ADAMTS18: variants seen among roughly 807,000 people sequenced by gnomAD.
The protein encoded by ADAMTS18 is A disintegrin and metalloproteinase with thrombospondin motifs 18.
Under a neutral mutation model 165.9 loss-of-function variants are expected in ADAMTS18, and 157 were observed. The ratio of observed to expected loss-of-function variants is 0.95; its 90% confidence interval spans 0.83 to 1.08. The LOEUF is 1.08. ADAMTS18 is among the 50% of genes least tolerant of loss of function. The probability of loss-of-function intolerance (pLI) is 0.00; values close to 1 mark genes in which losing one functional copy is unlikely to be tolerated. For synonymous variants in ADAMTS18, 782 were observed against 578.2 expected (o/e 1.35, Z -5.06); for missense variants, 2,040 against 1,534.0 (o/e 1.33, Z -5.51).
chr16:77,424,624 T>G (rs2057648225), intron 3 of ADAMTS18, among the ~76,000 whole-genome samples: 1 of 152,202 alleles, frequency 6.6e-6, no homozygotes, highest in African/African-American at 2.4e-5. Context: ...TCTGGCATTT[T>G]GCTTCAAGTT....
chr16:77,413,819 A>G (rs2057495683), intron 3 of ADAMTS18, among the ~76,000 whole-genome samples: 1 of 151,868 alleles, frequency 6.6e-6, no homozygotes, highest in African/African-American at 2.4e-5. Flanking sequence ...AAAAAAAAAA[A>G]AGCAAAAGTT....
intron 3 of ADAMTS18, among the ~76,000 whole-genome samples, chr16:77,418,982 C>T (rs1308283191): frequency 6.6e-6 from 1 of 152,094 alleles, no homozygotes. Flanking sequence ...AACACCGTCT[C>T]TACTAAAAAT....
At chr16:77,296,862 AAGC>A (rs2055483414) in intron 18 of ADAMTS18, among the ~76,000 whole-genome samples, 1 of 152,226 alleles carries the variant, frequency 6.6e-6, no homozygotes, top group African/African-American at 2.4e-5. Flanking sequence ...TATCCCAAGC[AAGC>A]TTGCTTTTAA....
intron 2 of ADAMTS18, among the ~76,000 whole-genome samples, chr16:77,433,733 G>C (rs941673473): frequency 6.6e-6 from 1 of 152,186 alleles, no homozygotes; most frequent in Non-Finnish European, 1.5e-5. Flanking sequence ...CCTTGCGTCA[G>C]GAATCAGCTG....
In ADAMTS18 at chr16:77,391,418, G is replaced by C. The variant is rs185961796; in HGVS notation, c.496-23695C>G. Reference sequence around the variant, plus strand: ...AAGCAGAAGAATCGCTTGAACCTGGGAGGTGGAAGTTGCAGTTAAGTCGAG... The same window carrying C: ...AAGCAGAAGAATCGCTTGAACCTGGCAGGTGGAAGTTGCAGTTAAGTCGAG... On this transcript the variant is annotated intron_variant, in intron 3 of 22. Coordinates refer to ENST00000282849, the MANE Select transcript of ADAMTS18 (RefSeq NM_199355.4). Among the ~76,000 whole-genome samples the C allele has an allele frequency of 1.1e-4, 17 of 151,754 alleles. No individual in the cohort carries two copies. The East Asian group carries it at 3.1e-3, about 28-fold the overall frequency.
At chr16:77,292,822 A>G (rs1424835730) in intron 20 of ADAMTS18, among the ~76,000 whole-genome samples, 2 of 151,844 alleles carry the variant, frequency 1.3e-5, no homozygotes, top group Admixed American at 6.6e-5. Context: ...AACCTCCAGC[A>G]GTGACTTTTT....
intron 3 of ADAMTS18, among the ~76,000 whole-genome samples, chr16:77,402,557 C>T (rs1211455658): frequency 6.6e-6 from 1 of 152,190 alleles, no homozygotes; most frequent in African/African-American, 2.4e-5. Context: ...GGGATTTCAA[C>T]TCTGCGAGCA....
intron 16 of ADAMTS18, among the ~76,000 whole-genome samples, chr16:77,316,410 A>G (rs2055888444): frequency 6.6e-6 from 1 of 152,026 alleles, no homozygotes; most frequent in South Asian, 2.1e-4. Context: ...ATGCGCCACC[A>G]TACCCAGCTA....
chr16:77,378,849 G>A (rs930052607), intron 3 of ADAMTS18: 3 of 152,160 alleles, frequency 2.0e-5, no homozygotes, highest in Non-Finnish European at 2.9e-5. Context: ...CAAGAAGTCT[G>A]GCCTTTTTCT....
Position 77,299,965 on chromosome 16 carries a change from T to C in ADAMTS18, c.2674+298A>G, listed in dbSNP as rs915843334. The C allele has an allele frequency of 1.3e-5, 3 of 228,790 alleles. No individual in the cohort carries two copies. The Admixed American group carries it at 1.5e-4, about 12-fold the overall frequency. The allele number at this position is 228,790 out of a possible 1,614,324, so 14.2% of individuals were successfully genotyped here. Reference sequence around the variant, plus strand: ...CTGAAAATTAAACATATATATATAATATAAATATGCTTCTATTTGTAAATA... The same window carrying C: ...CTGAAAATTAAACATATATATATAACATAAATATGCTTCTATTTGTAAATA... On this transcript the variant is annotated intron_variant, in intron 17 of 22. Coordinates refer to ENST00000282849, the MANE Select transcript of ADAMTS18 (RefSeq NM_199355.4).
At chr16:77,284,593 T>C (rs1225459236) in intron 22 of ADAMTS18, among the ~76,000 whole-genome samples, 1 of 152,106 alleles carries the variant, frequency 6.6e-6, no homozygotes, top group Non-Finnish European at 1.5e-5. Flanking sequence ...GGGCAGGATT[T>C]AGATGCCAAG....
chr16:77,307,973 C>T (rs879676581), intron 16 of ADAMTS18, among the ~76,000 whole-genome samples: 6 of 152,094 alleles, frequency 3.9e-5, no homozygotes, highest in Non-Finnish European at 7.4e-5. Context: ...CCAAAGAGTG[C>T]AGGAAGTTGT....
intron 3 of ADAMTS18, among the ~76,000 whole-genome samples, chr16:77,416,613 T>G (rs2144839407): frequency 6.6e-6 from 1 of 152,274 alleles, no homozygotes; most frequent in African/African-American, 2.4e-5. Context: ...TTGTGAGACC[T>G]CTCCAGGCAT....
chr16:77,318,691 G>A (rs762806882), intron 16 of ADAMTS18, among the ~76,000 whole-genome samples: 1 of 152,200 alleles, frequency 6.6e-6, no homozygotes, highest in Non-Finnish European at 1.5e-5. Flanking sequence ...GGGTGGAAAA[G>A]ACTCTGACTC....
chr16:77,300,822 T>C (rs1243316095), intron 16 of ADAMTS18, among the ~76,000 whole-genome samples: 2 of 152,132 alleles, frequency 1.3e-5, no homozygotes, highest in African/African-American at 4.8e-5. Flanking sequence ...TAAAACTGAA[T>C]CTACATATAT....
chr16:77,346,603 T>C (rs1355674945), intron 10 of ADAMTS18, among the ~76,000 whole-genome samples: 1 of 152,184 alleles, frequency 6.6e-6, no homozygotes. Flanking sequence ...CTCCTCAACA[T>C]GCTCATGAGA....
intron 20 of ADAMTS18, 53 bp downstream of exon 20, chr16:77,293,023 G>A (rs751404677): frequency 3.7e-5 from 60 of 1,609,048 alleles, no homozygotes; most frequent in Non-Finnish European, 5.0e-5. Flanking sequence ...GTTTCACTGT[G>A]TTAGCCAGGA....
chr16:77,316,019 C>T (rs913736264), intron 16 of ADAMTS18, among the ~76,000 whole-genome samples: 17 of 152,116 alleles, frequency 1.1e-4, no homozygotes, highest in Non-Finnish European at 2.5e-4. Context: ...AGGGAAGAAA[C>T]CTGAGACTCT....
chr16:77,338,381 G>A (rs1038142098), intron 11 of ADAMTS18, among the ~76,000 whole-genome samples: 7 of 151,884 alleles, frequency 4.6e-5, no homozygotes, highest in African/African-American at 9.7e-5. Context: ...GATTACTGGC[G>A]TGCACCAGCA....
Sources: gnomAD v4.1 joint callset for allele counts (sites outside exome capture counted in the v4.1 genomes callset) on GRCh38, gnomAD v4.1.1 for gene constraint, MANE v1.5 for transcripts, NCBI Gene and HGNC (gene_info 2026-07-23, HGNC 2026-07-21) for gene names.